The following DMD variants were observed in gnomAD, a reference collection of about 807,000 sequenced individuals.
The protein encoded by DMD is mutant dystrophin.
In DMD, 63 loss-of-function variants were observed where a neutral mutation model predicts 330.1. That is an observed-to-expected ratio of 0.19 (90% CI 0.16 to 0.24). The LOEUF is 0.24. Ranked by LOEUF, DMD falls within the 10% of genes least tolerant of loss-of-function variation. The probability of loss-of-function intolerance (pLI) is 1.00; values close to 1 mark genes in which losing one functional copy is unlikely to be tolerated. For synonymous variants in DMD, 1,223 were observed against 959.8 expected (o/e 1.27, Z -5.07); for missense variants, 3,344 against 2,684.1 (o/e 1.25, Z -5.43).
At chrX:33,259,573 G>A (rs1325484781) in intron 1 of DMD, among the ~76,000 whole-genome samples, 1 of 94,603 alleles carries the variant, frequency 1.1e-5, no homozygotes, top group Non-Finnish European at 2.1e-5. Context: ...CAACTGGTAA[G>A]TGTAATGTAA....
intron 42 of DMD, among the ~76,000 whole-genome samples, chrX:32,306,044 TG>T (rs1193997950): frequency 2.7e-4 from 27 of 101,728 alleles, no homozygotes; most frequent in African/African-American, 7.7e-4. Flanking sequence ...TAACAGATTC[TG>T]GTTTTTTTTT....
intron 44 of DMD, among the ~76,000 whole-genome samples, chrX:31,998,558 T>C (rs1435546016): frequency 8.9e-6 from 1 of 111,857 alleles, no homozygotes; most frequent in African/African-American, 3.2e-5. Context: ...TTAGAAAGGC[T>C]GATTTGTAAA....
At chrX:31,781,321 G>A (rs5971596) in intron 50 of DMD, among the ~76,000 whole-genome samples, 12,126 of 111,580 alleles carry the variant, frequency 0.11, 493 homozygotes, top group South Asian at 0.19. Context: ...TAGGACATCA[G>A]GTATCTTTCT....
rs1265062743 is a variant in DMD at position 31,346,730 on chromosome X, G to A, written c.9163+1826C>T. The stretch of plus-strand genomic sequence containing the variant: ...GGTCAAGAACAAAAGGAGAATACAA[G>A]GCTCACGAATGTAATCCTAGCACTT... On this transcript the variant is annotated intron_variant, in intron 61 of 78. Coordinates refer to ENST00000357033, the MANE Select transcript of DMD (RefSeq NM_004006.3). Among the ~76,000 whole-genome samples the A allele has an allele frequency of 2.2e-4, 24 of 109,740 alleles. No homozygotes were observed. The Admixed American group carries it at 2.4e-3, about 11-fold the overall frequency.
intron 1 of DMD, among the ~76,000 whole-genome samples, chrX:33,284,606 A>G (rs2053399363): frequency 1.9e-5 from 2 of 106,392 alleles, no homozygotes; most frequent in African/African-American, 6.8e-5. Context: ...GCTCTCTTCA[A>G]ATTTGGTATA....
rs368822297 is a variant in DMD at position 32,226,133 on chromosome X, C to T, written c.6291-9070G>A. Reference sequence around the variant, plus strand: ...TTGAAAACTCCTAATAACTTTTCCTCAGCATATTCCAACTCATCTCTCCCT... The same window carrying T: ...TTGAAAACTCCTAATAACTTTTCCTTAGCATATTCCAACTCATCTCTCCCT... On this transcript the variant is annotated intron_variant, in intron 43 of 78. Coordinates refer to ENST00000357033, the MANE Select transcript of DMD (RefSeq NM_004006.3). Among the ~76,000 whole-genome samples, 27 of 111,733 alleles carry T rather than the reference C, an allele frequency of 2.4e-4. No homozygotes were observed. In the East Asian group the frequency reaches 5.9e-3, roughly 25 times the overall value.
intron 44 of DMD, among the ~76,000 whole-genome samples, chrX:32,178,833 GTGT>G (rs2096915698): frequency 1.1e-4 from 5 of 47,394 alleles, no homozygotes; most frequent in East Asian, 1.2e-3. Flanking sequence ...TCCAGGGGGT[GTGT>G]GTGTGTGTGT....
At chrX:31,241,665 T>C (rs1199309213) in intron 63 of DMD, among the ~76,000 whole-genome samples, 1 of 111,280 alleles carries the variant, frequency 9.0e-6, no homozygotes, top group African/African-American at 3.3e-5. Context: ...CAATTCTACC[T>C]TGTTAAGAAA....
At chrX:32,144,274 T>C (rs2096768183) in intron 44 of DMD, among the ~76,000 whole-genome samples, 1 of 111,733 alleles carries the variant, frequency 8.9e-6, no homozygotes, top group South Asian at 3.8e-4. Context: ...AGTAGAAAAA[T>C]TTAAACTATT....
chrX:32,710,757 A>G (rs962738624), intron 7 of DMD, among the ~76,000 whole-genome samples: 4 of 111,352 alleles, frequency 3.6e-5, no homozygotes, highest in African/African-American at 1.3e-4. Flanking sequence ...ATAGCTTCCA[A>G]AAATTTTGTG....
intron 51 of DMD, among the ~76,000 whole-genome samples, chrX:31,743,388 A>G: frequency 8.9e-6 from 1 of 112,483 alleles, no homozygotes; most frequent in Non-Finnish European, 1.9e-5. Flanking sequence ...AAAAAACCAC[A>G]TGTATTCTCA....
At chrX:33,137,118 C>T (rs1204682999) in intron 1 of DMD, among the ~76,000 whole-genome samples, 2 of 110,648 alleles carry the variant, frequency 1.8e-5, no homozygotes. Context: ...GGAGGGAGAT[C>T]GTCCCCTGCT....
intron 55 of DMD, among the ~76,000 whole-genome samples, chrX:31,541,236 T>G (rs2073788980): frequency 8.9e-6 from 1 of 112,062 alleles, no homozygotes; most frequent in African/African-American, 3.2e-5. Flanking sequence ...GACTCTTGGT[T>G]CAGTTATTGA....
chrX:33,283,397 G>A (rs901476815), intron 1 of DMD, among the ~76,000 whole-genome samples: 12 of 110,078 alleles, frequency 1.1e-4, no homozygotes, highest in Non-Finnish European at 1.5e-4. Flanking sequence ...AAAATTAGCC[G>A]AGCGTGGTGG....
Position 33,188,686 on chromosome X carries a change from T to G in DMD, c.31+22596A>C, listed in dbSNP as rs190648154. ...TGTTTTATTTGACAGGGCTCCTTGT[T>G]ATGGGCTAAATTGCCCCTTTCCCAA... On this transcript the variant is annotated intron_variant, in intron 1 of 78. Coordinates refer to ENST00000357033, the MANE Select transcript of DMD (RefSeq NM_004006.3). Among the ~76,000 whole-genome samples, 7 of 112,161 alleles carry G rather than the reference T, an allele frequency of 6.2e-5. No individual in the cohort carries two copies. The East Asian group carries it at 1.7e-3, about 27-fold the overall frequency.
chrX:32,831,302 C>T (rs2079129198), intron 4 of DMD, among the ~76,000 whole-genome samples: 1 of 110,566 alleles, frequency 9.0e-6, no homozygotes, highest in Non-Finnish European at 1.9e-5. Flanking sequence ...TGATGGTTTA[C>T]AGTAAAAGGA....
intron 57 of DMD, among the ~76,000 whole-genome samples, chrX:31,484,133 A>T (rs766467694): frequency 8.9e-6 from 1 of 111,892 alleles, no homozygotes; most frequent in African/African-American, 3.2e-5. Context: ...ACTTTTTTTT[A>T]AAAAAAGACA....
chrX:31,202,859 AAG>A (rs1030582091), intron 67 of DMD, among the ~76,000 whole-genome samples: 2 of 112,663 alleles, frequency 1.8e-5, no homozygotes, highest in African/African-American at 6.5e-5. Flanking sequence ...ACAACTTTTG[AAG>A]AAAGGCCACA....
chrX:33,164,552 C>T (rs910800232), intron 1 of DMD, among the ~76,000 whole-genome samples: 3 of 111,987 alleles, frequency 2.7e-5, no homozygotes, highest in Non-Finnish European at 5.6e-5. Context: ...GAAGAAGAAT[C>T]GTGTGTCTAT....
Sources: gnomAD v4.1 joint callset for allele counts (sites outside exome capture counted in the v4.1 genomes callset) on GRCh38, gnomAD v4.1.1 for gene constraint, MANE v1.5 for transcripts, NCBI Gene and HGNC (gene_info 2026-07-23, HGNC 2026-07-21) for gene names.